The following IGFBP2 variants were observed in gnomAD, a reference collection of about 807,000 sequenced individuals.
IGFBP2 encodes the protein insulin like growth factor binding protein 2, also known as insulin-like growth factor-binding protein 2.
IGFBP2 carries 12 observed loss-of-function variants against 26.2 expected under a neutral mutation model. That is an observed-to-expected ratio of 0.46 (90% confidence interval 0.29 to 0.74). The LOEUF (loss-of-function observed/expected upper bound fraction) is 0.74, where lower values mean the gene tolerates loss of function less well. IGFBP2 is among the 30% of genes least tolerant of loss of function. The probability of loss-of-function intolerance (pLI) is 0.09; values close to 1 mark genes in which losing one functional copy is unlikely to be tolerated. For missense variants in IGFBP2, 328 were observed against 441.2 expected (o/e 0.74, Z 2.30); for synonymous variants, 189 against 200.6 (o/e 0.94, Z 0.49).
intron 1 of IGFBP2, among the ~76,000 whole-genome samples, chr2:216,639,260 C>T (rs184612681): frequency 3.9e-5 from 6 of 151,958 alleles, no homozygotes; most frequent in Admixed American, 6.6e-5. Context: ...GTCTCAAACT[C>T]GTGAACCTCA....
At chr2:216,634,697 G>A (rs1697458084) in intron 1 of IGFBP2, among the ~76,000 whole-genome samples, 1 of 152,168 alleles carries the variant, frequency 6.6e-6, no homozygotes, top group South Asian at 2.1e-4. Context: ...GGGGCAGCCA[G>A]GCTGTGCGGT....
chr2:216,646,896 C>T (rs1476959381), intron 1 of IGFBP2, among the ~76,000 whole-genome samples: 6 of 152,168 alleles, frequency 3.9e-5, no homozygotes, highest in African/African-American at 1.4e-4. Context: ...CAGATGGTCA[C>T]CTTTTCTAAT....
chr2:216,651,097 G>A (rs1000548185), intron 1 of IGFBP2, among the ~76,000 whole-genome samples: 10 of 150,614 alleles, frequency 6.6e-5, no homozygotes, highest in African/African-American at 2.2e-4. Context: ...CTGACCTTTT[G>A]AAAAAAAAAG....
chr2:216,649,294 C>T (rs1285047648), intron 1 of IGFBP2, among the ~76,000 whole-genome samples: 1 of 152,178 alleles, frequency 6.6e-6, no homozygotes, highest in Non-Finnish European at 1.5e-5. Context: ...CTTTGTATTA[C>T]CCTACTGGTT....
At chr2:216,638,921 C>T (rs372693596) in intron 1 of IGFBP2, among the ~76,000 whole-genome samples, 1 of 151,540 alleles carries the variant, frequency 6.6e-6, no homozygotes, top group Admixed American at 6.6e-5. Flanking sequence ...AGGATGGTCT[C>T]GATCTCCTGA....
At chr2:216,659,495 G>A (rs1378560194) in intron 1 of IGFBP2, 12 of 568,574 alleles carry the variant, frequency 2.1e-5, no homozygotes, top group Admixed American at 8.5e-5. Flanking sequence ...TTGGGGCTGG[G>A]GCTCGGCGGT....
chr2:216,658,220 C>T (rs1226292694), intron 1 of IGFBP2, among the ~76,000 whole-genome samples: 4 of 152,134 alleles, frequency 2.6e-5, no homozygotes, highest in Non-Finnish European at 4.4e-5. Context: ...CTTTCTTCTG[C>T]GGTGGCCTTG....
rs371578051 is a variant in IGFBP2, at chr2:216,653,497, G to A, written c.443-7060G>A. Among the ~76,000 whole-genome samples the A allele has an allele frequency of 7.8e-4, 119 of 152,324 alleles. 1 individual carries two copies. The highest frequency in any genetic ancestry group is 3.4e-3 in the Middle Eastern group (1 of 294). The stretch of plus-strand genomic sequence containing the variant: ...TCCTTGGCTAAATTAGTAAGGGTGG[G>A]CCAAAAGACAATGTAGGGACCCCAT... On this transcript the variant is annotated intron_variant, in intron 1 of 3. Coordinates refer to ENST00000233809, the MANE Select transcript of IGFBP2 (RefSeq NM_000597.3).
intron 1 of IGFBP2, among the ~76,000 whole-genome samples, chr2:216,655,442 TC>T (rs1460486051): frequency 6.6e-6 from 1 of 152,196 alleles, no homozygotes; most frequent in Non-Finnish European, 1.5e-5. Flanking sequence ...TGGCACTTCT[TC>T]CTGCCACCTT....
intron 1 of IGFBP2, among the ~76,000 whole-genome samples, chr2:216,653,013 T>C (rs1283850860): frequency 3.9e-5 from 6 of 152,134 alleles, no homozygotes; most frequent in African/African-American, 1.2e-4. Context: ...AAATGGTAAG[T>C]CTTTCTTCAG....
chr2:216,662,320 CA>C (rs1158086282), intron 3 of IGFBP2: 1 of 322,552 alleles, frequency 3.1e-6, no homozygotes, highest in African/African-American at 2.1e-5. Context: ...ACATTGACAT[CA>C]CCTGGAGCTC....
At chr2:216,663,766 G>A in intron 3 of IGFBP2, 174 bp from the exon 4 acceptor site, 1 of 631,310 alleles carries the variant, frequency 1.6e-6, no homozygotes, top group Non-Finnish European at 2.7e-6. Context: ...GGGACCTACT[G>A]CATGGGAATC....
At position 216,664,133 on chromosome 2, in the gene IGFBP2, TGC is replaced by T. The variant is rs1688711877; in HGVS notation, c.*30_*31del. 2 of 1,522,342 alleles carry T rather than the reference TGC, an allele frequency of 1.3e-6. No homozygotes were observed. Among genetic ancestry groups the T allele is most frequent in the African/African-American group, 2.7e-5 (2 of 73,066 alleles). 94.3% of individuals were successfully genotyped at this position (1,522,342 alleles called of 1,614,324 possible). Reference sequence around the variant, plus strand: ...GCAGCCAGCCGGTGCCTGGCGCCCCTGCCCCCCGCCCCTCTCCAAACACCGGC... The same window carrying T: ...GCAGCCAGCCGGTGCCTGGCGCCCCTCCCCCGCCCCTCTCCAAACACCGGC... On this transcript the variant is annotated 3_prime_UTR_variant, in exon 4 of 4. Coordinates refer to ENST00000233809, the MANE Select transcript of IGFBP2 (RefSeq NM_000597.3). This position sits in a 1 kb window ranked among gnomAD's most constrained non-coding sequence, Gnocchi z 4.6.
intron 1 of IGFBP2, among the ~76,000 whole-genome samples, chr2:216,635,055 G>A (rs1252530040): frequency 1.3e-5 from 2 of 151,710 alleles, no homozygotes; most frequent in Non-Finnish European, 2.9e-5. Flanking sequence ...AAAAGAAAAA[G>A]TGAAAAGAAG....
At chr2:216,640,700 G>A (rs148073158) in intron 1 of IGFBP2, among the ~76,000 whole-genome samples, 7 of 152,320 alleles carry the variant, frequency 4.6e-5, no homozygotes, top group East Asian at 3.9e-4. Context: ...CTCTACCTCC[G>A]TGGCCGGGTA....
chr2:216,657,236 C>G (rs1174079663), intron 1 of IGFBP2, among the ~76,000 whole-genome samples: 1 of 151,828 alleles, frequency 6.6e-6, no homozygotes, highest in Non-Finnish European at 1.5e-5. Flanking sequence ...GGTCTGGGGA[C>G]AGAGAGGCCT....
At chr2:216,651,232 C>G (rs1000420470) in intron 1 of IGFBP2, among the ~76,000 whole-genome samples, 1 of 152,142 alleles carries the variant, frequency 6.6e-6, no homozygotes, top group African/African-American at 2.4e-5. Flanking sequence ...CTTCTGCCTC[C>G]CTCCCTCCCA....
At chr2:216,659,927 C>A (rs533382112) in intron 1 of IGFBP2, among the ~76,000 whole-genome samples, 60 of 151,986 alleles carry the variant, frequency 3.9e-4, no homozygotes, top group African/African-American at 1.4e-3. Flanking sequence ...GGCAGGTACA[C>A]AGTGACAGCA....
chr2:216,648,809 A>G (rs1050354324), intron 1 of IGFBP2, among the ~76,000 whole-genome samples: 1 of 152,054 alleles, frequency 6.6e-6, no homozygotes, highest in East Asian at 1.9e-4. Context: ...GGGTTTCACC[A>G]TATTGGCCAG....
Sources: allele counts gnomAD v4.1 joint callset (sites outside exome capture counted in the v4.1 genomes callset), GRCh38; gene constraint gnomAD v4.1.1; non-coding constraint Gnocchi (gnomAD v3.1); transcripts MANE v1.5; gene names NCBI Gene and HGNC (gene_info 2026-07-23, HGNC 2026-07-21).